Variants in DTD1 observed in about 807,000 individuals in gnomAD.
DTD1 encodes the protein D-tyrosyl-tRNA deacylase 1 homolog.
Under a neutral mutation model 25.6 loss-of-function variants are expected in DTD1, and 13 were observed. The ratio of observed to expected loss-of-function variants is 0.51; its 90% CI spans 0.33 to 0.81. The LOEUF is 0.81. Among genes scored for constraint, DTD1 ranks in the 30% least tolerant of loss-of-function variants. The pLI is 0.02. For synonymous variants in DTD1, 110 were observed against 103.6 expected (o/e 1.06, Z -0.37); for missense variants, 193 against 266.4 (o/e 0.72, Z 1.92).
intron 4 of DTD1, among the ~76,000 whole-genome samples, chr20:18,651,125 C>A (rs899453341): frequency 6.6e-6 from 1 of 152,160 alleles, no homozygotes; most frequent in Non-Finnish European, 1.5e-5. Flanking sequence ...AAAGCTGTTA[C>A]AACAGCTGGT....
At chr20:18,618,524 T>C (rs1332335031) in intron 3 of DTD1, among the ~76,000 whole-genome samples, 1 of 150,714 alleles carries the variant, frequency 6.6e-6, no homozygotes, top group African/African-American at 2.4e-5. Flanking sequence ...CCAGCTAATA[T>C]AGATATAAAA....
intron 2 of DTD1, among the ~76,000 whole-genome samples, chr20:18,595,025 C>T (rs1412327826): frequency 6.6e-6 from 1 of 152,142 alleles, no homozygotes; most frequent in African/African-American, 2.4e-5. Context: ...GGGTGGCTCT[C>T]AAATGGTGAG....
chr20:18,751,126 A>C (rs953955408), intron 5 of DTD1, among the ~76,000 whole-genome samples: 1 of 151,568 alleles, frequency 6.6e-6, no homozygotes, highest in Admixed American at 6.6e-5. Context: ...GTCCCTTTTC[A>C]CTGTTCTTTT....
At chr20:18,710,066 AT>A (rs2061152539) in intron 4 of DTD1, among the ~76,000 whole-genome samples, 1 of 152,118 alleles carries the variant, frequency 6.6e-6, no homozygotes. Flanking sequence ...TTTATGATAT[AT>A]TGTCTACATT....
intron 4 of DTD1, among the ~76,000 whole-genome samples, chr20:18,671,205 C>A (rs2060950305): frequency 6.6e-6 from 1 of 152,226 alleles, no homozygotes; most frequent in African/African-American, 2.4e-5. Context: ...TTTATTTTAT[C>A]TTGAGACCTT....
chr20:18,703,215 A>G lies in DTD1; in HGVS notation c.478-40885A>G, dbSNP rs77627241. On this transcript the variant is annotated intron_variant, in intron 4 of 5. Coordinates refer to ENST00000377452, the MANE Select transcript of DTD1 (RefSeq NM_080820.6). ...CAAAATTCTTTGCTTCAGAATTCTG[A>G]AGGCCATGGTTCTGCTTCTGGTGTT... Among the ~76,000 whole-genome samples the G allele has an allele frequency of 3.8e-3, 581 of 152,294 alleles. 2 individuals carry two copies. Among genetic ancestry groups the G allele is most frequent in the African/African-American group, 0.013 (550 of 41,568 alleles).
intron 4 of DTD1, among the ~76,000 whole-genome samples, chr20:18,653,958 T>C (rs1188110536): frequency 7.9e-5 from 12 of 152,242 alleles, no homozygotes; most frequent in Admixed American, 7.8e-4. Flanking sequence ...GTGACATGGC[T>C]AAGTGAGAGA....
intron 5 of DTD1, among the ~76,000 whole-genome samples, chr20:18,759,827 T>C (rs2061354253): frequency 6.6e-6 from 1 of 152,246 alleles, no homozygotes; most frequent in African/African-American, 2.4e-5. Flanking sequence ...TCCTGCAGCA[T>C]GTTTTCCAAC....
chr20:18,695,083 T>C (rs1172889351), intron 4 of DTD1, among the ~76,000 whole-genome samples: 3 of 152,104 alleles, frequency 2.0e-5, no homozygotes, highest in African/African-American at 2.4e-5. Context: ...TCCTGCAGTA[T>C]CTTGCAGTTA....
chr20:18,760,723 CA>C (rs932317833), intron 5 of DTD1, among the ~76,000 whole-genome samples: 1 of 152,216 alleles, frequency 6.6e-6, no homozygotes, highest in Non-Finnish European at 1.5e-5. Flanking sequence ...TCTCAGATCT[CA>C]AGCTGCATGC....
chr20:18,613,173 T>C (rs978475862), intron 3 of DTD1, among the ~76,000 whole-genome samples: 1 of 152,160 alleles, frequency 6.6e-6, no homozygotes, highest in Admixed American at 6.6e-5. Flanking sequence ...ATTGGTTCCA[T>C]TCAAGTCAGT....
chr20:18,623,892 G>GTGTGTT (rs1326910179), intron 3 of DTD1, among the ~76,000 whole-genome samples: 1 of 151,830 alleles, frequency 6.6e-6, no homozygotes, highest in East Asian at 1.9e-4. Context: ...GTGTGTGTGT[G>GTGTGTT]TGTGTGTGTG....
intron 4 of DTD1, among the ~76,000 whole-genome samples, chr20:18,708,767 A>G (rs991574192): frequency 6.6e-6 from 1 of 152,112 alleles, no homozygotes; most frequent in African/African-American, 2.4e-5. Flanking sequence ...TTTGAGCAGC[A>G]CTGGCTTAGA....
chr20:18,660,842 A>C (rs1169064873), intron 4 of DTD1, among the ~76,000 whole-genome samples: 1 of 152,226 alleles, frequency 6.6e-6, no homozygotes, highest in African/African-American at 2.4e-5. Flanking sequence ...ATGCAATTGT[A>C]AGAAATAATA....
At chr20:18,598,830 C>T (rs1249812560) in intron 3 of DTD1, among the ~76,000 whole-genome samples, 2 of 151,610 alleles carry the variant, frequency 1.3e-5, no homozygotes, top group Non-Finnish European at 1.5e-5. Flanking sequence ...TTTTTAGTGC[C>T]CTAAAAATCC....
At chr20:18,744,648 A>C (rs1176104826) in intron 5 of DTD1, among the ~76,000 whole-genome samples, 1 of 101,658 alleles carries the variant, frequency 9.8e-6, no homozygotes. Flanking sequence ...AAAAAAAAAA[A>C]CAAAAAACAA....
intron 5 of DTD1, among the ~76,000 whole-genome samples, chr20:18,747,855 CAA>C (rs11483388): frequency 1.4e-5 from 2 of 142,452 alleles, no homozygotes; most frequent in African/African-American, 5.3e-5. Context: ...ATAAAAAATA[CAA>C]AAAAAAAAAA....
At chr20:18,599,523 C>A (rs1313942403) in intron 3 of DTD1, among the ~76,000 whole-genome samples, 1 of 152,168 alleles carries the variant, frequency 6.6e-6, no homozygotes, top group African/African-American at 2.4e-5. Flanking sequence ...GTTTTCAGCT[C>A]TTTTGTGCAA....
At chr20:18,727,199 A>G (rs990257241) in intron 4 of DTD1, among the ~76,000 whole-genome samples, 2 of 152,200 alleles carry the variant, frequency 1.3e-5, no homozygotes, top group African/African-American at 4.8e-5. Flanking sequence ...GCTGCATGAC[A>G]GAATGTGGAT....
Sources: gnomAD v4.1 joint callset for allele counts (sites outside exome capture counted in the v4.1 genomes callset) on GRCh38, gnomAD v4.1.1 for gene constraint, MANE v1.5 for transcripts, NCBI Gene and HGNC (gene_info 2026-07-23, HGNC 2026-07-21) for gene names.